Variants in TRIM26 observed in about 807,000 individuals in gnomAD.
TRIM26 encodes the protein tripartite motif containing 26, also known as tripartite motif-containing protein 26.
A neutral mutation model predicts 45.5 loss-of-function variants in TRIM26; 16 were observed. That is an observed-to-expected ratio of 0.35 (90% confidence interval 0.24 to 0.53). TRIM26 has a LOEUF of 0.53. Ranked by LOEUF, TRIM26 falls within the 20% of genes least tolerant of loss-of-function variation. The probability of loss-of-function intolerance (pLI) is 0.92; values close to 1 mark genes in which losing one functional copy is unlikely to be tolerated. For missense variants in TRIM26, 442 were observed against 691.1 expected (o/e 0.64, Z 4.04); for synonymous variants, 273 against 290.4 (o/e 0.94, Z 0.61).
chr6:30,194,469 G>T (rs1220721274), intron 6 of TRIM26, among the ~76,000 whole-genome samples: 2 of 152,200 alleles, frequency 1.3e-5, no homozygotes, highest in Non-Finnish European at 2.9e-5. Flanking sequence ...AGAGGATTTT[G>T]AATGTTCCAA....
chr6:30,209,211 G>A lies in TRIM26; in HGVS notation c.-376+4094C>T, dbSNP rs1293852479. ...AGGAATCTAAGCCATCAGCAAGGGA[G>A]TTAGTGCTTTTCATCAAATTTGAGA... is the stretch of plus-strand genomic sequence containing the variant. On this transcript the variant is annotated intron_variant, in intron 1 of 9. Coordinates refer to ENST00000454678, the MANE Select transcript of TRIM26 (RefSeq NM_003449.5). The surrounding 1 kb of genome is among the most constrained non-coding windows in gnomAD (Gnocchi z 4.8). Among the ~76,000 whole-genome samples the A allele has an allele frequency of 1.3e-5, 2 of 152,162 alleles. No individual in the cohort carries two copies. Among genetic ancestry groups the A allele is most frequent in the Non-Finnish European group, 2.9e-5 (2 of 68,028 alleles).
chr6:30,186,036 C>T lies in TRIM26; in HGVS notation c.1460G>A (p.Arg487Gln), dbSNP rs1446366794. ...ATAATCCAGGGCGATGCCCACTCTC[C>T]GGGGCCGCAGTGCTGGGAAAAGCTC... The part of the protein sequence containing the change: ...EAELFPALRP[R>Q]RVGIALDYEG... The change falls in exon 10 of 10, where the codon CGG (arginine) becomes CAG (glutamine). Residue 487 changes from arginine to glutamine, a missense_variant. Physicochemically the swap from Arg to Gln is conservative, Grantham distance 43. Coordinates refer to ENST00000454678, the MANE Select transcript of TRIM26 (RefSeq NM_003449.5). This position sits in a 1 kb window ranked among gnomAD's most constrained non-coding sequence, Gnocchi z 7.4. 6.8e-6 allele frequency: 11 copies of T among 1,606,428 alleles called. No homozygotes were observed. Among genetic ancestry groups the T allele is most frequent in the Admixed American group, 3.4e-5 (2 of 59,070 alleles).
chr6:30,189,235 C>G lies in TRIM26; in HGVS notation c.905-36G>C, dbSNP rs777664496. On this transcript the variant is annotated intron_variant, in intron 8 of 9. Coordinates refer to ENST00000454678, the MANE Select transcript of TRIM26 (RefSeq NM_003449.5). This position sits in a 1 kb window ranked among gnomAD's most constrained non-coding sequence, Gnocchi z 5.0. ...AAAAGGACAGCAATGACTCAAGTCC[C>G]GAAAATTTATGAGCCCATTTCTTGC... is the stretch of plus-strand genomic sequence containing the variant. The G allele has an allele frequency of 6.2e-7, 1 of 1,612,918 alleles. No individual in the cohort carries two copies. Among genetic ancestry groups the G allele is most frequent in the Non-Finnish European group, 8.5e-7 (1 of 1,179,984 alleles).
Position 30,186,703 on chromosome 6 carries a change from T to C in TRIM26, c.938-145A>G. 8.8e-7 allele frequency: 1 copy of C among 1,140,630 alleles called. No individual in the cohort carries two copies. Among genetic ancestry groups the C allele is most frequent in the Non-Finnish European group, 1.2e-6 (1 of 831,274 alleles). The allele number at this position is 1,140,630 out of a possible 1,614,324, so 70.7% of individuals were successfully genotyped here. A position where few individuals can be genotyped will look rare whatever the true frequency, so the allele number is the denominator to read the frequency against. On this transcript the variant is annotated intron_variant, in intron 9 of 9. Coordinates refer to ENST00000454678, the MANE Select transcript of TRIM26 (RefSeq NM_003449.5). This position sits in a 1 kb window ranked among gnomAD's most constrained non-coding sequence, Gnocchi z 7.4. ...AGTAATATAACTCAACATCCTTAAT[T>C]TGGTATAAGTGTGACACATTTTCTG...
intron 6 of TRIM26, among the ~76,000 whole-genome samples, chr6:30,194,458 G>C (rs200789992): frequency 1.9e-4 from 29 of 152,314 alleles, no homozygotes; most frequent in East Asian, 9.6e-4. Flanking sequence ...AAAGCTAGAA[G>C]AGAGGATTTT....
chr6:30,198,970 G>C lies in TRIM26; in HGVS notation c.134C>G (p.Pro45Arg), dbSNP rs761026180. The stretch of plus-strand genomic sequence containing the variant: ...GCAGACGGGGCGGCTCCCTGAGATG[G>C]GGCGGACGTCTGTGGTGCAGCTGCG... ...FCRSCTTDVR[P>R]ISGSRPVCPL... is the part of the protein sequence containing the mutation. Residue 45 changes from proline to arginine, a missense_variant, in exon 4 of 10, where the codon CCC becomes CGC. Pro to Arg is a moderately radical substitution (Grantham distance 103). Transcript: ENST00000454678. This position sits in a 1 kb window ranked among gnomAD's most constrained non-coding sequence, Gnocchi z 6.3. 3.7e-6 allele frequency: 6 copies of C among 1,612,650 alleles called. No homozygotes were observed. The highest frequency in any genetic ancestry group is 4.2e-6 in the Non-Finnish European group (5 of 1,179,846).
Position 30,198,986 on chromosome 6 carries a change from T to C in TRIM26, c.118A>G (p.Thr40Ala). 1 of 1,612,306 alleles carries C rather than the reference T, an allele frequency of 6.2e-7. No homozygotes were observed. The highest frequency in any genetic ancestry group is 8.5e-7 in the Non-Finnish European group (1 of 1,179,530). ...CCTGAGATGGGGCGGACGTCTGTGG[T>C]GCAGCTGCGGCAGAAGACGTGGCCA... Reference protein sequence around the residue: ...DCGHVFCRSCTTDVRPISGSR... With the variant: ...DCGHVFCRSCATDVRPISGSR... Residue 40 changes from threonine to alanine, a missense_variant, in exon 4 of 10, where the codon ACC becomes GCC. Coordinates refer to ENST00000454678, the MANE Select transcript of TRIM26 (RefSeq NM_003449.5). This position sits in a 1 kb window ranked among gnomAD's most constrained non-coding sequence, Gnocchi z 6.3.
intron 6 of TRIM26, among the ~76,000 whole-genome samples, chr6:30,192,467 T>C (rs1775954326): frequency 6.6e-6 from 1 of 152,160 alleles, no homozygotes; most frequent in Non-Finnish European, 1.5e-5. Flanking sequence ...GTCTTTCCTT[T>C]CCTATCACCT....
At position 30,190,657 on chromosome 6, in the gene TRIM26, A is replaced by C. The variant is rs1775738655; in HGVS notation, c.766-622T>G. Among the ~76,000 whole-genome samples, 2 of 152,224 alleles carry C rather than the reference A, an allele frequency of 1.3e-5. No homozygotes were observed. Among genetic ancestry groups the C allele is most frequent in the Admixed American group, 1.3e-4 (2 of 15,280 alleles). ...TTCCAGCCAATGGAATGTGATAGAA[A>C]GCAATGACCATAATTCTGGGCATTG... On this transcript the variant is annotated intron_variant, in intron 6 of 9. Transcript: ENST00000454678. This position sits in a 1 kb window ranked among gnomAD's most constrained non-coding sequence, Gnocchi z 4.3.
chr6:30,196,847 C>G lies in TRIM26; in HGVS notation c.535-101G>C, dbSNP rs914607413. On this transcript the variant is annotated intron_variant, in intron 5 of 9. Coordinates refer to ENST00000454678, the MANE Select transcript of TRIM26 (RefSeq NM_003449.5). The surrounding 1 kb of genome is among the most constrained non-coding windows in gnomAD (Gnocchi z 4.9). Reference sequence around the variant, plus strand: ...GCTGGCTCGTTCACCTCGCTACCCCCGTTCAGGAATTCTACAGGATCTGGA... The same window carrying G: ...GCTGGCTCGTTCACCTCGCTACCCCGGTTCAGGAATTCTACAGGATCTGGA... 10 of 1,137,024 alleles carry G rather than the reference C, an allele frequency of 8.8e-6. No individual in the cohort carries two copies. Among genetic ancestry groups the G allele is most frequent in the African/African-American group, 3.1e-5 (2 of 65,026 alleles). The allele number at this position is 1,137,024 out of a possible 1,614,324, so 70.4% of individuals were successfully genotyped here.
intron 3 of TRIM26, among the ~76,000 whole-genome samples, chr6:30,199,812 A>AT (rs1392574391): frequency 6.6e-6 from 1 of 151,922 alleles, no homozygotes; most frequent in African/African-American, 2.4e-5. Flanking sequence ...AATTTTTTGT[A>AT]TTTTTAGTAG....
Position 30,185,649 on chromosome 6 carries a change from C to T in TRIM26, c.*227G>A, listed in dbSNP as rs1052625366. On this transcript the variant is annotated 3_prime_UTR_variant, in exon 10 of 10. Transcript: ENST00000454678. The surrounding 1 kb of genome is among the most constrained non-coding windows in gnomAD (Gnocchi z 5.7). Reference sequence around the variant, plus strand: ...TGGACTCCAGGGTCAGAAGTTCCCTCGGGAAACCAGCAGGAGGTGGGAAAA... The same window carrying T: ...TGGACTCCAGGGTCAGAAGTTCCCTTGGGAAACCAGCAGGAGGTGGGAAAA... 5 of 578,788 alleles carry T rather than the reference C, an allele frequency of 8.6e-6. No homozygotes were observed. Among genetic ancestry groups the T allele is most frequent in the African/African-American group, 3.8e-5 (2 of 53,192 alleles). The allele number at this position is 578,788 out of a possible 1,614,324, so 35.9% of individuals were successfully genotyped here.
chr6:30,211,451 C>T (rs1778280584), intron 1 of TRIM26, among the ~76,000 whole-genome samples: 1 of 152,178 alleles, frequency 6.6e-6, no homozygotes, highest in Admixed American at 6.5e-5. Flanking sequence ...AGCCTCAATA[C>T]AGACCATGGA....
In TRIM26 at chr6:30,189,114, G is replaced by A; in HGVS notation, c.937+53C>T. The A allele has an allele frequency of 6.3e-7, 1 of 1,579,576 alleles. No individual in the cohort carries two copies. Among genetic ancestry groups the A allele is most frequent in the Non-Finnish European group, 8.6e-7 (1 of 1,161,940 alleles). On this transcript the variant is annotated intron_variant, in intron 9 of 9. Transcript: ENST00000454678. This position sits in a 1 kb window ranked among gnomAD's most constrained non-coding sequence, Gnocchi z 5.0. The stretch of plus-strand genomic sequence containing the variant: ...AAGTGAGCAGTCAGAATCTCTGCAG[G>A]CGGAGTTTTCTATATTTGATGTACA...
chr6:30,188,359 G>T, intron 9 of TRIM26: 2 of 437,498 alleles, frequency 4.6e-6, no homozygotes, highest in Non-Finnish European at 8.3e-6. Context: ...AAAACTACCA[G>T]CCTGCTCTGT....
intron 1 of TRIM26, among the ~76,000 whole-genome samples, chr6:30,210,534 T>A (rs1224469547): frequency 6.6e-6 from 1 of 152,186 alleles, no homozygotes; most frequent in East Asian, 1.9e-4. Context: ...AATAGCACTA[T>A]CACAGTGCTT....
At position 30,190,421 on chromosome 6, in the gene TRIM26, T is replaced by C; in HGVS notation, c.766-386A>G. On this transcript the variant is annotated intron_variant, in intron 6 of 9. Transcript: ENST00000454678. The surrounding 1 kb of genome is among the most constrained non-coding windows in gnomAD (Gnocchi z 4.3). ...TAAGGAGTTTCACTTTTGCTCCACG[T>C]ACAGTGGAAACCCACCAAGGGTTTC... 1 of 282,534 alleles carries C rather than the reference T, an allele frequency of 3.5e-6. No individual in the cohort carries two copies. The highest frequency in any genetic ancestry group is 6.9e-6 in the Non-Finnish European group (1 of 144,922). The allele number at this position is 282,534 out of a possible 1,614,324, so 17.5% of individuals were successfully genotyped here. A position where few individuals can be genotyped will look rare whatever the true frequency, so the allele number is the denominator to read the frequency against.
At chr6:30,197,067 G>A (rs1335499564) in intron 5 of TRIM26, among the ~76,000 whole-genome samples, 1 of 152,130 alleles carries the variant, frequency 6.6e-6, no homozygotes, top group East Asian at 1.9e-4. Flanking sequence ...TCACTCATGA[G>A]CCGACGCACT....
Position 30,186,438 on chromosome 6 carries a change from C to T in TRIM26, c.1058G>A (p.Cys353Tyr), listed in dbSNP as rs1289339294. ...SAYLHPQQFD[C>Y]EPGVLGSKGF... is the part of the protein sequence containing the mutation. Reference sequence around the variant, plus strand: ...CTTGCTGCCTAGCACCCCAGGCTCACAGTCAAACTGCTGGGGGTGCAGGTA... The same window carrying T: ...CTTGCTGCCTAGCACCCCAGGCTCATAGTCAAACTGCTGGGGGTGCAGGTA... Residue 353 changes from cysteine (C) to tyrosine (Y), a missense_variant, in exon 10 of 10, where the codon TGT becomes TAT. Coordinates refer to ENST00000454678, the MANE Select transcript of TRIM26 (RefSeq NM_003449.5). This position sits in a 1 kb window ranked among gnomAD's most constrained non-coding sequence, Gnocchi z 7.4. 6.2e-7 allele frequency: 1 copy of T among 1,604,602 alleles called. No homozygotes were observed. The highest frequency in any genetic ancestry group is 8.5e-7 in the Non-Finnish European group (1 of 1,175,286).
Sources: allele counts gnomAD v4.1 joint callset (sites outside exome capture counted in the v4.1 genomes callset), GRCh38; gene constraint gnomAD v4.1.1; non-coding constraint Gnocchi (gnomAD v3.1); transcripts MANE v1.5; gene names NCBI Gene and HGNC (gene_info 2026-07-23, HGNC 2026-07-21).